The following SVEP1 variants were observed in gnomAD, a reference collection of about 807,000 sequenced individuals.
SVEP1 encodes the protein sushi, von Willebrand factor type A, EGF and pentraxin domain containing 1, also known as sushi, von Willebrand factor type A, EGF and pentraxin domain-containing protein 1.
SVEP1 carries 164 observed loss-of-function variants against 367.3 expected under a neutral mutation model. The ratio of observed to expected loss-of-function variants is 0.45; its 90% CI spans 0.39 to 0.51. SVEP1 has a LOEUF of 0.51. SVEP1 is among the 20% of genes least tolerant of loss of function. SVEP1 has a pLI of 0.00. For missense variants in SVEP1, 4,117 were observed against 4,425.3 expected (o/e 0.93, Z 1.98); for synonymous variants, 1,666 against 1,611.6 (o/e 1.03, Z -0.81).
At chr9:110,438,915 C>T (rs934715728) in intron 27 of SVEP1, among the ~76,000 whole-genome samples, 1 of 152,260 alleles carries the variant, frequency 6.6e-6, no homozygotes, top group South Asian at 2.1e-4. Context: ...GCTGTATTTT[C>T]GTGACTAGAA....
chr9:110,435,479 AG>A, intron 28 of SVEP1, 115 bp from the exon 29 acceptor site: 3 of 1,213,846 alleles, frequency 2.5e-6, no homozygotes, highest in Non-Finnish European at 3.4e-6. Context: ...ATGGGGGTGG[AG>A]GGAAGCAGGT....
chr9:110,378,103 GTCTATCTAA>G (rs1426005624), intron 44 of SVEP1, among the ~76,000 whole-genome samples: 2 of 150,370 alleles, frequency 1.3e-5, no homozygotes, highest in African/African-American at 2.4e-5. Context: ...TTATCTGCAT[GTCTATCTAA>G]TCTATCTTCT....
chr9:110,541,834 T>C (rs367993643), intron 3 of SVEP1, among the ~76,000 whole-genome samples: 29 of 139,428 alleles, frequency 2.1e-4, no homozygotes, highest in African/African-American at 7.0e-4. Flanking sequence ...TATATATCTA[T>C]ATACATAGAT....
rs184814257 is a variant in SVEP1 at position 110,579,031 on chromosome 9, G to A, written c.513C>T (p.Gly171=). Reference sequence around the variant, plus strand: ...GCCTTACCGCGGCTTGCTGGAAGGCGCCCTTGGTGTAGGTGCCGCCACCTC... The same window carrying A: ...GCCTTACCGCGGCTTGCTGGAAGGCACCCTTGGTGTAGGTGCCGCCACCTC... ...SYRGGGTYTK[G]AFQQAAQILL... Residue 171 remains glycine, a synonymous_variant, in exon 1 of 48, where the codon GGC becomes GGT. Transcript: ENST00000374469. This position sits in a 1 kb window ranked among gnomAD's most constrained non-coding sequence, Gnocchi z 5.3. 9.0e-4 allele frequency: 1,396 copies of A among 1,548,398 alleles called. 19 individuals are homozygous for A. The highest frequency in any genetic ancestry group is 1.7e-4 in the Non-Finnish European group (199 of 1,146,696).
In SVEP1 at chr9:110,385,991, T is replaced by C. The variant is rs372900569; in HGVS notation, c.10144A>G (p.Ile3382Val). 3.1e-5 allele frequency: 50 copies of C among 1,613,832 alleles called. No homozygotes were observed. Among genetic ancestry groups the C allele is most frequent in the Non-Finnish European group, 4.0e-5 (47 of 1,179,868 alleles). Residue 3382 changes from isoleucine to valine, a missense_variant, in exon 43 of 48, where the codon ATC becomes GTC. Ile to Val is a conservative substitution (Grantham distance 29). Transcript: ENST00000374469. ...AGCAGAAAACCTTCCCTACATTTGA[T>C]GGACACATTCTGATCAACATAAAAC... ...KEFYVDQNVS[I>V]KCREGFLLQG...
chr9:110,507,699 C>T (rs1258508167), intron 5 of SVEP1, among the ~76,000 whole-genome samples: 1 of 152,196 alleles, frequency 6.6e-6, no homozygotes, highest in Non-Finnish European at 1.5e-5. Context: ...GTGCATGAAA[C>T]ATCTTGTCTT....
intron 2 of SVEP1, among the ~76,000 whole-genome samples, chr9:110,547,318 T>A (rs1588103152): frequency 1.3e-5 from 2 of 152,174 alleles, no homozygotes; most frequent in African/African-American, 4.8e-5. Flanking sequence ...GGACCACAGG[T>A]TTATTTGGCA....
chr9:110,508,311 C>T (rs1007354163), intron 5 of SVEP1, among the ~76,000 whole-genome samples: 3 of 151,718 alleles, frequency 2.0e-5, no homozygotes, highest in African/African-American at 7.3e-5. Flanking sequence ...TTTCCAGGCA[C>T]GTGCTTCCTA....
chr9:110,402,388 A>G (rs1320079607), intron 39 of SVEP1, among the ~76,000 whole-genome samples: 1 of 152,050 alleles, frequency 6.6e-6, no homozygotes, highest in African/African-American at 2.4e-5. Context: ...CCATGTATTT[A>G]TTTTATGAAC....
At chr9:110,383,115 A>G (rs1248613308) in intron 43 of SVEP1, among the ~76,000 whole-genome samples, 3 of 152,192 alleles carry the variant, frequency 2.0e-5, no homozygotes, top group African/African-American at 7.2e-5. Flanking sequence ...GAAGTGTTGC[A>G]ATCATTTGGA....
At position 110,375,425 on chromosome 9, in the gene SVEP1, C is replaced by T. The variant is rs1229403645; in HGVS notation, c.10543G>A (p.Val3515Met). The T allele has an allele frequency of 1.3e-6, 2 of 1,502,006 alleles. No individual in the cohort carries two copies. The highest frequency in any genetic ancestry group is 5.1e-5 in the East Asian group (2 of 39,276). 93.0% of individuals were successfully genotyped at this position (1,502,006 alleles called of 1,614,324 possible). A position where few individuals can be genotyped will look rare whatever the true frequency, so the allele number is the denominator to read the frequency against. ...GGGCAGTCACACTGGTAAGGGGCCA[C>T]ACAGCGACCTCCGTTCAGACAGGGA... Reference protein sequence around the residue: ...ILPCLNGGRCVAPYQCDCPPG... With the variant: ...ILPCLNGGRCMAPYQCDCPPG... The change falls in exon 46 of 48, where the codon GTG becomes ATG. Residue 3515 changes from valine (V) to methionine (M), a missense_variant. Physicochemically the swap from Val to Met is conservative, Grantham distance 21 (BLOSUM62 1). This residue lies in a region of SVEP1 where 1,765 missense variants were observed against 1,781.1 expected (regional missense o/e 0.99). Transcript: ENST00000374469.
At chr9:110,543,772 G>C (rs1398649211) in intron 3 of SVEP1, among the ~76,000 whole-genome samples, 1 of 152,170 alleles carries the variant, frequency 6.6e-6, no homozygotes, top group Non-Finnish European at 1.5e-5. Flanking sequence ...TCTTCTGCCT[G>C]GGTTTGGTGG....
intron 3 of SVEP1, among the ~76,000 whole-genome samples, chr9:110,542,830 G>A: frequency 8.1e-6 from 1 of 123,674 alleles, no homozygotes; most frequent in African/African-American, 3.0e-5. Flanking sequence ...TTTGGGGAGG[G>A]GGGAGGGATA....
intron 5 of SVEP1, among the ~76,000 whole-genome samples, chr9:110,506,881 T>G (rs1829634764): frequency 2.0e-5 from 3 of 148,472 alleles, no homozygotes; most frequent in South Asian, 2.1e-4. Flanking sequence ...AAGAGCAGGG[T>G]GAGGGGAAGG....
In SVEP1 at chr9:110,387,314, G is replaced by A; in HGVS notation, c.10031C>T (p.Thr3344Ile). 3 of 1,604,352 alleles carry A rather than the reference G, an allele frequency of 1.9e-6. No individual in the cohort carries two copies. The highest frequency in any genetic ancestry group is 2.2e-5 in the East Asian group (1 of 44,760). Residue 3344 changes from threonine to isoleucine, a missense_variant, in exon 42 of 48, where the codon ACC becomes ATC. This residue lies in a region of SVEP1 where 1,765 missense variants were observed against 1,781.1 expected (regional missense o/e 0.99). Coordinates refer to ENST00000374469, the MANE Select transcript of SVEP1 (RefSeq NM_153366.4). ...PSEAHCTENGTWSHPVPLCKP... is the reference protein window; with the variant it reads ...PSEAHCTENGIWSHPVPLCKP... The stretch of plus-strand genomic sequence containing the variant: ...GCAGAGAGGGACTGGGTGGCTCCAG[G>A]TTCCATTTTCTGTGCAGTGTGCCTC...
rs976923465 is a variant in SVEP1 at position 110,389,796 on chromosome 9, G to A, written c.9823-209C>T. ...TTCAAAATTCACACTCTGGCAGACC[G>A]GTATAATTAAGGTACAGACTTTGCT... is the stretch of plus-strand genomic sequence containing the variant. On this transcript the variant is annotated intron_variant, in intron 40 of 47. Coordinates refer to ENST00000374469, the MANE Select transcript of SVEP1 (RefSeq NM_153366.4). 5.3e-5 allele frequency among the ~76,000 whole-genome samples: 8 copies of A among 151,884 alleles called. No homozygotes were observed. In the South Asian group the frequency reaches 1.0e-3, roughly 20 times the overall value.
At chr9:110,513,662 C>T (rs1467459444) in intron 4 of SVEP1, among the ~76,000 whole-genome samples, 2 of 152,016 alleles carry the variant, frequency 1.3e-5, no homozygotes, top group East Asian at 1.9e-4. Flanking sequence ...AAAATTGTGG[C>T]TTTTCTTTTT....
chr9:110,550,678 T>C (rs150228605), intron 1 of SVEP1, among the ~76,000 whole-genome samples: 394 of 151,276 alleles, frequency 2.6e-3, no homozygotes, highest in African/African-American at 9.1e-3. Context: ...AAATGTAGAA[T>C]TGATTCAATA....
intron 38 of SVEP1, 130 bp downstream of exon 38, chr9:110,406,030 A>C: frequency 8.5e-7 from 1 of 1,183,204 alleles, no homozygotes; most frequent in Non-Finnish European, 1.1e-6. Context: ...GCCAAGTGTT[A>C]AAAGCACCAG....
Sources: allele counts gnomAD v4.1 joint callset (sites outside exome capture counted in the v4.1 genomes callset), GRCh38; gene constraint gnomAD v4.1.1; regional missense constraint gnomAD v4.1.1; non-coding constraint Gnocchi (gnomAD v3.1); transcripts MANE v1.5; gene names NCBI Gene and HGNC (gene_info 2026-07-23, HGNC 2026-07-21).